The following ANKMY1 variants were observed in gnomAD, a reference collection of about 807,000 sequenced individuals.
ANKMY1 encodes the protein ankyrin repeat and MYND domain containing 1, also known as ankyrin repeat and MYND domain-containing protein 1.
A neutral mutation model predicts 102.0 loss-of-function variants in ANKMY1; 98 were observed. That is an observed-to-expected ratio of 0.96 (90% CI 0.82 to 1.14). ANKMY1 has a LOEUF of 1.14. Ranked by LOEUF, ANKMY1 falls within the 50% of genes most tolerant of loss-of-function variation. The probability of loss-of-function intolerance (pLI) is 0.00; values close to 1 mark genes in which losing one functional copy is unlikely to be tolerated. For missense variants in ANKMY1, 1,330 were observed against 1,347.6 expected, an observed-to-expected ratio of 0.99 and a Z score of 0.20; for synonymous variants, 582 against 559.9, an observed-to-expected ratio of 1.04 and a Z score of -0.56.
intron 4 of ANKMY1, among the ~76,000 whole-genome samples, chr2:240,530,828 G>A (rs989097905): frequency 1.3e-5 from 2 of 151,988 alleles, no homozygotes; most frequent in African/African-American, 2.4e-5. Flanking sequence ...TGGAAGGCTC[G>A]CTTGAGACCA....
Position 240,529,156 on chromosome 2 carries a change from C to T in ANKMY1, c.834G>A (p.Glu278=). ...CATTGAGGAAGATGCGGGCGTCCAG[C>T]TCTTTGCGGAAAGAGCTTGTCATGG... The part of the protein sequence containing the change: ...HLPMTSSFRK[E]LDARIFLNEI... The change falls in exon 5 of 18, where the codon GAG becomes GAA. Residue 278 remains glutamate, a synonymous_variant. Transcript: ENST00000401804. This position sits in a 1 kb window ranked among gnomAD's most constrained non-coding sequence, Gnocchi z 4.2. The T allele has an allele frequency of 6.2e-7, 1 of 1,614,246 alleles. No homozygotes were observed. The highest frequency in any genetic ancestry group is 8.5e-7 in the Non-Finnish European group (1 of 1,180,048).
Position 240,520,455 on chromosome 2 carries a change from C to T in ANKMY1, c.1911G>A (p.Gln637=), listed in dbSNP as rs546410917. 6 of 1,613,470 alleles carry T rather than the reference C, an allele frequency of 3.7e-6. No homozygotes were observed. The Admixed American group carries it at 8.3e-5, about 22-fold the overall frequency. ...ADPNLCCVPM[Q]VLFLAVKAGD... Reference sequence around the variant, plus strand: ...CGGCCTTCACAGCAAGGAACAGGACCTGCATGGGCACGCAGCACAGGTTGG... The same window carrying T: ...CGGCCTTCACAGCAAGGAACAGGACTTGCATGGGCACGCAGCACAGGTTGG... Residue 637 remains glutamine, a synonymous_variant, in exon 9 of 18, where the codon CAG becomes CAA. Transcript: ENST00000401804. This position sits in a 1 kb window ranked among gnomAD's most constrained non-coding sequence, Gnocchi z 4.8.
intron 9 of ANKMY1, among the ~76,000 whole-genome samples, chr2:240,515,663 T>C (rs2081056838): frequency 6.6e-6 from 1 of 152,226 alleles, no homozygotes; most frequent in Admixed American, 6.5e-5. Flanking sequence ...ACATTCATAA[T>C]ACAAGGGTAA....
At chr2:240,512,608 C>T (rs963420402) in intron 10 of ANKMY1, among the ~76,000 whole-genome samples, 194 bp downstream of exon 10, 6 of 152,242 alleles carry the variant, frequency 3.9e-5, no homozygotes, top group Non-Finnish European at 8.8e-5. Context: ...ATTTTTGCCT[C>T]TTGATATCAA....
intron 4 of ANKMY1, among the ~76,000 whole-genome samples, chr2:240,541,315 G>C (rs983988862): frequency 1.3e-5 from 2 of 152,092 alleles, no homozygotes; most frequent in Non-Finnish European, 2.9e-5. Context: ...ACACTCTTGG[G>C]GCTTCTTTCT....
intron 15 of ANKMY1, among the ~76,000 whole-genome samples, chr2:240,498,299 G>GC (rs1310111027): frequency 6.7e-6 from 1 of 149,442 alleles, no homozygotes; most frequent in African/African-American, 2.5e-5. Flanking sequence ...GGGGTGGGGG[G>GC]GGTTTATGCA....
chr2:240,557,208 T>C lies in ANKMY1; in HGVS notation c.128A>G (p.Tyr43Cys). 1 of 1,566,814 alleles carries C rather than the reference T, an allele frequency of 6.4e-7. No individual in the cohort carries two copies. Among genetic ancestry groups the C allele is most frequent in the Non-Finnish European group, 8.7e-7 (1 of 1,154,204 alleles). Residue 43 changes from tyrosine (Y) to cysteine (C), a missense_variant, in exon 2 of 18, where the codon TAC becomes TGC. By Grantham distance (194) the Tyr-to-Cys change is radical. Coordinates refer to ENST00000401804, the MANE Select transcript of ANKMY1 (RefSeq NM_001282771.3). ...CCCGCACCTTGTGGCGAAGACAGCG[T>C]AGTTCTTCAGGGACCCCGGCTCCTC... ...AAEEPGSLKN[Y>C]AVFATRDVSA...
At chr2:240,489,782 A>G (rs1316200956) in intron 15 of ANKMY1, among the ~76,000 whole-genome samples, 1 of 152,168 alleles carries the variant, frequency 6.6e-6, no homozygotes, top group Non-Finnish European at 1.5e-5. Context: ...TGATAGAATG[A>G]GTTAGGGAGA....
At chr2:240,534,397 G>A (rs139785765) in intron 4 of ANKMY1, among the ~76,000 whole-genome samples, 36 of 152,058 alleles carry the variant, frequency 2.4e-4, no homozygotes, top group African/African-American at 7.5e-4. Context: ...ACTTGAGCCC[G>A]GGAGTTTGAG....
intron 4 of ANKMY1, among the ~76,000 whole-genome samples, chr2:240,549,509 C>G (rs1268081513): frequency 6.6e-6 from 1 of 152,150 alleles, no homozygotes; most frequent in Non-Finnish European, 1.5e-5. Context: ...CCAAAATTGA[C>G]AAATGGGATC....
chr2:240,528,294 C>T (rs1290710559), intron 5 of ANKMY1, among the ~76,000 whole-genome samples: 2 of 85,424 alleles, frequency 2.3e-5, no homozygotes, highest in African/African-American at 9.0e-5. Flanking sequence ...CCTGCCCCCA[C>T]CCCCCCCCCA....
At chr2:240,536,554 G>A (rs1035219431) in intron 4 of ANKMY1, among the ~76,000 whole-genome samples, 1 of 152,170 alleles carries the variant, frequency 6.6e-6, no homozygotes, top group African/African-American at 2.4e-5. Context: ...ACAAGACCAG[G>A]TGGTAATAAG....
upstream of ANKMY1, among the ~76,000 whole-genome samples, chr2:240,558,968 G>C (rs961568358): frequency 6.6e-6 from 1 of 152,114 alleles, no homozygotes; most frequent in African/African-American, 2.4e-5. Context: ...CTAAAATGCT[G>C]ATCATGACCC....
intron 5 of ANKMY1, among the ~76,000 whole-genome samples, chr2:240,528,833 G>A (rs2084528316): frequency 6.6e-6 from 1 of 152,078 alleles, no homozygotes; most frequent in Non-Finnish European, 1.5e-5. Context: ...AGGGCCCCAG[G>A]ACCCGGCCTG....
chr2:240,483,033 G>T (rs899302960), intron 15 of ANKMY1, among the ~76,000 whole-genome samples: 1 of 152,126 alleles, frequency 6.6e-6, no homozygotes, highest in African/African-American at 2.4e-5. Flanking sequence ...ATCATAAAAT[G>T]TCCCTCTTTC....
At chr2:240,560,464 C>G, upstream of ANKMY1, 1 of 648,186 alleles carries the variant, frequency 1.5e-6, no homozygotes, top group Non-Finnish European at 2.2e-6. Flanking sequence ...CTGGTGAGGC[C>G]CAAACCTCCC....
chr2:240,469,703 T>C, the ANKMY1 span, among the ~76,000 whole-genome samples: 1 of 151,934 alleles, frequency 6.6e-6, no homozygotes, highest in Admixed American at 6.6e-5. Flanking sequence ...TACAACACCC[T>C]GTACATGCAC....
intron 15 of ANKMY1, among the ~76,000 whole-genome samples, chr2:240,484,198 C>A (rs1035384844): frequency 2.0e-5 from 3 of 152,078 alleles, no homozygotes; most frequent in Non-Finnish European, 4.4e-5. Context: ...GAGTAGATAC[C>A]CAGTAATGGG....
At chr2:240,549,736 AT>A (rs2091159716) in intron 4 of ANKMY1, among the ~76,000 whole-genome samples, 1 of 152,286 alleles carries the variant, frequency 6.6e-6, no homozygotes, top group Non-Finnish European at 1.5e-5. Flanking sequence ...AAAAGAAGAC[AT>A]TTATGCAGCC....
Sources: gnomAD v4.1 joint callset for allele counts (sites outside exome capture counted in the v4.1 genomes callset) on GRCh38, gnomAD v4.1.1 for gene constraint, Gnocchi (gnomAD v3.1) non-coding constraint, MANE v1.5 for transcripts, NCBI Gene and HGNC (gene_info 2026-07-23, HGNC 2026-07-21) for gene names.